The following GAN variants were observed in gnomAD, a reference collection of about 807,000 sequenced individuals.
GAN encodes epididymis secretory sperm binding protein.
Under a neutral mutation model 71.3 loss-of-function variants are expected in GAN, and 48 were observed. That is an observed-to-expected ratio of 0.67 (90% CI 0.53 to 0.86). The LOEUF (loss-of-function observed/expected upper bound fraction) is 0.86, where lower values mean the gene tolerates loss of function less well. Among genes scored for constraint, GAN ranks in the 40% least tolerant of loss-of-function variants. The probability of loss-of-function intolerance (pLI) is 0.00; values close to 1 mark genes in which losing one functional copy is unlikely to be tolerated. For synonymous variants in GAN, 386 were observed against 276.8 expected (o/e 1.39, Z -3.92); for missense variants, 928 against 770.1 (o/e 1.21, Z -2.43).
intron 1 of GAN, among the ~76,000 whole-genome samples, chr16:81,333,189 C>T (rs1428261183): frequency 6.7e-6 from 1 of 148,716 alleles, no homozygotes; most frequent in Non-Finnish European, 1.5e-5. Flanking sequence ...TTGCAGTGAG[C>T]TGAGATCACG....
At chr16:81,315,674 G>A (rs1184746029) in intron 1 of GAN, among the ~76,000 whole-genome samples, 1 of 152,188 alleles carries the variant, frequency 6.6e-6, no homozygotes, top group Non-Finnish European at 1.5e-5. Flanking sequence ...GCCGCGCCGG[G>A]GAAGAGTCAC....
intron 1 of GAN, among the ~76,000 whole-genome samples, chr16:81,315,777 C>G (rs1355093821): frequency 1.3e-5 from 2 of 152,258 alleles, no homozygotes; most frequent in Admixed American, 1.3e-4. Flanking sequence ...GCGCCGCCAA[C>G]CAGGCGGGGA....
Position 81,354,515 on chromosome 16 carries a change from T to C in GAN, c.393T>C (p.Ala131=). 1.2e-6 allele frequency: 2 copies of C among 1,613,748 alleles called. No homozygotes were observed. Among genetic ancestry groups the C allele is most frequent in the Non-Finnish European group, 1.7e-6 (2 of 1,179,618 alleles). The change falls in exon 3 of 11, where the codon GCT becomes GCC. Residue 131 remains alanine, a synonymous_variant. Coordinates refer to ENST00000648994, the MANE Select transcript of GAN (RefSeq NM_022041.4). ...CCEFLEGCIA[A]ENCIGIRDFA... is the part of the protein sequence containing the mutation. ...AGTTTTTGGAAGGCTGCATTGCTGC[T>C]GAGAACTGTATTGGTATCCGTGACT...
chr16:81,364,141 T>G (rs982896744), intron 7 of GAN, among the ~76,000 whole-genome samples, 198 bp downstream of exon 7: 1 of 152,160 alleles, frequency 6.6e-6, no homozygotes, highest in Non-Finnish European at 1.5e-5. Flanking sequence ...GTGTGAGAGT[T>G]TATCCTGCTT....
rs773922136 is a variant in GAN, at chr16:81,381,442, C to G, written c.*3846C>G. On this transcript the variant is annotated 3_prime_UTR_variant, in exon 11 of 11. Transcript: ENST00000648994. ...GATGCCGGAACCCCGTTAAAAACAC[C>G]TGGTGGAAGGGAAAGGTGAGGCGGC... 1.3e-5 allele frequency: 2 copies of G among 152,246 alleles called. No homozygotes were observed. The highest frequency in any genetic ancestry group is 2.4e-5 in the African/African-American group (1 of 41,458). 9.4% of individuals were successfully genotyped at this position (152,246 alleles called of 1,614,324 possible).
At chr16:81,352,869 A>T (rs773480099) in intron 2 of GAN, among the ~76,000 whole-genome samples, 1 of 152,222 alleles carries the variant, frequency 6.6e-6, no homozygotes, top group Non-Finnish European at 1.5e-5. Flanking sequence ...TGTAAAGTCA[A>T]TCCAGCAGCA....
rs1435476609 is a variant in GAN, at chr16:81,385,031, T to C, written c.*7435T>C. ...GCCCATTTCTAAAAGCCTGGCATAT[T>C]TGGTATAACTTAAGCACCAGGTAAA... On this transcript the variant is annotated 3_prime_UTR_variant, in exon 11 of 11. Coordinates refer to ENST00000648994, the MANE Select transcript of GAN (RefSeq NM_022041.4). 1.3e-5 allele frequency: 2 copies of C among 154,312 alleles called. No individual in the cohort carries two copies. Among genetic ancestry groups the C allele is most frequent in the Non-Finnish European group, 2.9e-5 (2 of 68,224 alleles). 9.6% of individuals were successfully genotyped at this position (154,312 alleles called of 1,614,324 possible).
rs1386309091 is a variant in GAN, at chr16:81,380,513, G to C, written c.*2917G>C. The C allele has an allele frequency of 6.6e-6, 1 of 152,126 alleles. No homozygotes were observed. Among genetic ancestry groups the C allele is most frequent in the Non-Finnish European group, 1.5e-5 (1 of 68,002 alleles). The allele number at this position is 152,126 out of a possible 1,614,324, so 9.4% of individuals were successfully genotyped here. On this transcript the variant is annotated 3_prime_UTR_variant, in exon 11 of 11. Coordinates refer to ENST00000648994, the MANE Select transcript of GAN (RefSeq NM_022041.4). ...TGAAAGTGTTTTTTGTTTTGTTTTT[G>C]ATAGTGCTTATATCCTGTGAATAGA...
intron 1 of GAN, among the ~76,000 whole-genome samples, chr16:81,317,383 A>C (rs555858850): frequency 4.9e-4 from 74 of 152,344 alleles, no homozygotes; most frequent in African/African-American, 1.7e-3. Context: ...GCTTTTACTC[A>C]TATTAGCTGT....
intron 1 of GAN, among the ~76,000 whole-genome samples, chr16:81,348,637 C>T (rs1910200405): frequency 6.6e-6 from 1 of 152,174 alleles, no homozygotes; most frequent in Non-Finnish European, 1.5e-5. Context: ...CTGTTTAGCC[C>T]AGAGTAATAC....
chr16:81,326,125 A>G (rs1017250870), intron 1 of GAN, among the ~76,000 whole-genome samples: 1 of 152,204 alleles, frequency 6.6e-6, no homozygotes, highest in South Asian at 2.1e-4. Flanking sequence ...TTTAGTGTGG[A>G]AAACCAGTAG....
rs1904453245 is a variant in GAN at position 81,387,982 on chromosome 16, A to G, written c.*10386A>G. 1 of 152,254 alleles carries G rather than the reference A, an allele frequency of 6.6e-6. No homozygotes were observed. The highest frequency in any genetic ancestry group is 1.5e-5 in the Non-Finnish European group (1 of 68,066). 9.4% of individuals were successfully genotyped at this position (152,254 alleles called of 1,614,324 possible). A position where few individuals can be genotyped will look rare whatever the true frequency, so the allele number is the denominator to read the frequency against. Reference sequence around the variant, plus strand: ...TGGTGAATAACCTTTCGTTTGAACCAGCCTTGATTGTTCTCTCCATGTTCC... The same window carrying G: ...TGGTGAATAACCTTTCGTTTGAACCGGCCTTGATTGTTCTCTCCATGTTCC... On this transcript the variant is annotated 3_prime_UTR_variant, in exon 11 of 11. Coordinates refer to ENST00000648994, the MANE Select transcript of GAN (RefSeq NM_022041.4).
chr16:81,377,835 G>A lies in GAN; in HGVS notation c.*239G>A. Reference sequence around the variant, plus strand: ...CCAGTTAAATGTGGCTGTAGATGTTGGAGGCTAGGGAGGCTAGTAAATATC... The same window carrying A: ...CCAGTTAAATGTGGCTGTAGATGTTAGAGGCTAGGGAGGCTAGTAAATATC... On this transcript the variant is annotated 3_prime_UTR_variant, in exon 11 of 11. Coordinates refer to ENST00000648994, the MANE Select transcript of GAN (RefSeq NM_022041.4). 1 of 565,534 alleles carries A rather than the reference G, an allele frequency of 1.8e-6. No individual in the cohort carries two copies. Among genetic ancestry groups the A allele is most frequent in the Non-Finnish European group, 3.2e-6 (1 of 315,912 alleles). The allele number at this position is 565,534 out of a possible 1,614,324, so 35.0% of individuals were successfully genotyped here. A position where few individuals can be genotyped will look rare whatever the true frequency, so the allele number is the denominator to read the frequency against.
intron 1 of GAN, among the ~76,000 whole-genome samples, chr16:81,324,500 C>G (rs956225712): frequency 6.6e-6 from 1 of 152,012 alleles, no homozygotes; most frequent in Non-Finnish European, 1.5e-5. Flanking sequence ...TAGGTCAGGC[C>G]TCTCTGGGAA....
intron 3 of GAN, 103 bp downstream of exon 3, chr16:81,354,858 C>T: frequency 1.4e-6 from 1 of 719,536 alleles, no homozygotes; most frequent in Non-Finnish European, 2.4e-6. Flanking sequence ...ACTTACGATG[C>T]AGCAATCTAA....
At chr16:81,317,553 G>C (rs1040120920) in intron 1 of GAN, among the ~76,000 whole-genome samples, 1 of 152,222 alleles carries the variant, frequency 6.6e-6, no homozygotes, top group Non-Finnish European at 1.5e-5. Flanking sequence ...ATTGAATTAG[G>C]AAATATCTGT....
Position 81,361,529 on chromosome 16 carries a change from T to G in GAN, c.974-970T>G, listed in dbSNP as rs563937177. Among the ~76,000 whole-genome samples, 60 of 152,242 alleles carry G rather than the reference T, an allele frequency of 3.9e-4. 2 individuals carry two copies. Among genetic ancestry groups the G allele is most frequent in the African/African-American group, 1.4e-3 (60 of 41,492 alleles). On this transcript the variant is annotated intron_variant, in intron 5 of 10. Coordinates refer to ENST00000648994, the MANE Select transcript of GAN (RefSeq NM_022041.4). ...GCCACGTTTTCTGTGGACCTGGAGC[T>G]TAAACTTCTGTCTTTTTCATCCCCA...
intron 1 of GAN, among the ~76,000 whole-genome samples, chr16:81,330,938 G>C (rs1295301556): frequency 6.6e-6 from 1 of 152,194 alleles, no homozygotes; most frequent in Non-Finnish European, 1.5e-5. Context: ...CAGGCATGGT[G>C]GTTCACGCCT....
chr16:81,353,088 G>A (rs558588764), intron 2 of GAN, among the ~76,000 whole-genome samples: 1 of 152,210 alleles, frequency 6.6e-6, no homozygotes, highest in East Asian at 1.9e-4. Flanking sequence ...TCAGGAGATC[G>A]AGACCATCCT....
Sources: allele counts gnomAD v4.1 joint callset (sites outside exome capture counted in the v4.1 genomes callset), GRCh38; gene constraint gnomAD v4.1.1; transcripts MANE v1.5; gene names NCBI Gene and HGNC (gene_info 2026-07-23, HGNC 2026-07-21).